FAR2: variants seen among roughly 807,000 people sequenced by gnomAD.
The protein encoded by FAR2 is fatty acyl-CoA reductase 2, also known as epididymis secretory protein Li 81.
A neutral mutation model predicts 56.0 loss-of-function variants in FAR2; 19 were observed. The observed-to-expected ratio is 0.34, with a 90% CI of 0.24 to 0.50. The LOEUF is 0.50. Ranked by LOEUF, FAR2 falls within the 20% of genes least tolerant of loss-of-function variation. The pLI is 0.98. For missense variants in FAR2, 508 were observed against 642.2 expected (o/e 0.79, Z 2.26); for synonymous variants, 219 against 218.8 (o/e 1.00, Z -0.01).
intron 2 of FAR2, chr12:29,293,020 C>T (rs1948997317): frequency 4.6e-6 from 1 of 215,970 alleles, no homozygotes; most frequent in Non-Finnish European, 9.2e-6. Context: ...CACACACCAC[C>T]ATGCCTGGCT....
intron 10 of FAR2, among the ~76,000 whole-genome samples, chr12:29,324,576 G>C (rs966316640): frequency 1.6e-4 from 24 of 152,198 alleles, no homozygotes; most frequent in Non-Finnish European, 7.3e-5. Flanking sequence ...CAAGCCAGAA[G>C]AGAGTGGGGG....
intron 5 of FAR2, 183 bp downstream of exon 5, chr12:29,308,018 G>GCTC: frequency 1.7e-6 from 1 of 572,202 alleles, no homozygotes; most frequent in Non-Finnish European, 3.0e-6. Context: ...CCAGCATGTG[G>GCTC]CTCCTCTGGC....
rs749759025 is a variant in FAR2, at chr12:29,333,725, G to A, written c.1479G>A (p.Trp493Ter). The A allele has an allele frequency of 1.2e-6, 2 of 1,613,824 alleles. No individual in the cohort carries two copies. The highest frequency in any genetic ancestry group is 1.7e-6 in the Non-Finnish European group (2 of 1,179,780). The stretch of plus-strand genomic sequence containing the variant: ...GATCTCAGATGGCTCGGAATGTCTG[G>A]TTCTTCATTGTAAGCTTCTGTTATA... ...IARSQMARNV[W>*]FFIVSFCYKF... The change falls in exon 12 of 12, where the codon TGG (tryptophan) becomes TGA (stop). Residue 493 changes from tryptophan to a stop codon, truncating the protein, a stop_gained. Transcript: ENST00000536681. LOFTEE classifies it high-confidence loss of function.
intron 1 of FAR2, among the ~76,000 whole-genome samples, chr12:29,251,439 G>A (rs190078930): frequency 2.0e-4 from 30 of 152,278 alleles, no homozygotes; most frequent in African/African-American, 6.5e-4. Context: ...GGTCTGAACT[G>A]ACACTAATTC....
chr12:29,319,028 T>C (rs907111005), intron 9 of FAR2, among the ~76,000 whole-genome samples: 1 of 151,902 alleles, frequency 6.6e-6, no homozygotes, highest in African/African-American at 2.4e-5. Context: ...TCTTGCTTTG[T>C]CACCTAGGCT....
intron 1 of FAR2, among the ~76,000 whole-genome samples, chr12:29,158,659 A>G (rs1032768385): frequency 2.0e-5 from 3 of 152,250 alleles, no homozygotes; most frequent in African/African-American, 7.2e-5. Flanking sequence ...CTTTTCCCAA[A>G]TTAGACTTCC....
chr12:29,172,952 G>C (rs908649821), intron 1 of FAR2, among the ~76,000 whole-genome samples: 1 of 152,154 alleles, frequency 6.6e-6, no homozygotes, highest in African/African-American at 2.4e-5. Context: ...TAGGGAATTT[G>C]TCCCTTTCTT....
intron 1 of FAR2, among the ~76,000 whole-genome samples, chr12:29,183,583 T>G (rs1423660755): frequency 6.6e-6 from 1 of 152,242 alleles, no homozygotes; most frequent in Non-Finnish European, 1.5e-5. Context: ...CCATCTGTTC[T>G]GTTAATTATA....
At chr12:29,159,154 C>T (rs905429761) in intron 1 of FAR2, among the ~76,000 whole-genome samples, 4 of 152,124 alleles carry the variant, frequency 2.6e-5, no homozygotes, top group African/African-American at 7.2e-5. Context: ...ATACAATGCT[C>T]ATATATCTTT....
chr12:29,295,784 C>G (rs1225033772), intron 3 of FAR2, among the ~76,000 whole-genome samples: 1 of 90,304 alleles, frequency 1.1e-5, no homozygotes, highest in Non-Finnish European at 2.0e-5. Context: ...TTTTTTGAGA[C>G]GGAGTCTCGC....
At chr12:29,170,599 CTT>C (rs751680418) in intron 1 of FAR2, among the ~76,000 whole-genome samples, 2 of 152,132 alleles carry the variant, frequency 1.3e-5, no homozygotes, top group Non-Finnish European at 2.9e-5. Context: ...CTGACTCCCT[CTT>C]TGTCTGTTTC....
In FAR2 at chr12:29,248,305, C is replaced by G. The variant is rs183929496; in HGVS notation, c.-38-22107C>G. Among the ~76,000 whole-genome samples, 8 of 152,204 alleles carry G rather than the reference C, an allele frequency of 5.3e-5. No homozygotes were observed. The East Asian group carries it at 1.5e-3, about 29-fold the overall frequency. ...GTTCTTTTCTATTTTCCTTAAGCAT[C>G]GGCCAGCTTGAGAAATAAAGGGACA... On this transcript the variant is annotated intron_variant, in intron 1 of 11. Coordinates refer to ENST00000536681, the MANE Select transcript of FAR2 (RefSeq NM_001271783.2).
intron 2 of FAR2, 26 bp downstream of exon 2, chr12:29,270,664 G>T (rs1451617245): frequency 1.9e-6 from 3 of 1,570,724 alleles, no homozygotes; most frequent in Non-Finnish European, 2.6e-6. Flanking sequence ...AAGCGTGTGT[G>T]ATGGGCAATG....
chr12:29,297,012 CT>C lies in FAR2; in HGVS notation c.366-7del, dbSNP rs763837532. On this transcript the variant is annotated splice_polypyrimidine_tract_variant and splice_region_variant and intron_variant, in intron 3 of 11. Coordinates refer to ENST00000536681, the MANE Select transcript of FAR2 (RefSeq NM_001271783.2). ...TTCATTGTATTTCCTTCTGCTTAATCTTCTCTAGACATGCTGTGCAACTTAA... is the reference window on the plus strand; with the variant it reads ...TTCATTGTATTTCCTTCTGCTTAATCTCTCTAGACATGCTGTGCAACTTAA... 8.2e-6 allele frequency: 13 copies of C among 1,582,832 alleles called. No individual in the cohort carries two copies. In the Middle Eastern group the frequency reaches 6.8e-4, roughly 83 times the overall value.
intron 9 of FAR2, among the ~76,000 whole-genome samples, chr12:29,317,463 G>A (rs1949469282): frequency 1.3e-5 from 2 of 151,972 alleles, no homozygotes; most frequent in Non-Finnish European, 2.9e-5. Flanking sequence ...AACACTTCTG[G>A]CCCAAGTATT....
At chr12:29,223,630 A>G (rs1947724393) in intron 1 of FAR2, 1 of 152,300 alleles carries the variant, frequency 6.6e-6, no homozygotes, top group African/African-American at 2.4e-5. Context: ...TTCACAATAC[A>G]AAGATGATTG....
intron 10 of FAR2, among the ~76,000 whole-genome samples, chr12:29,323,561 T>A (rs1224808980): frequency 6.6e-6 from 1 of 152,250 alleles, no homozygotes; most frequent in Admixed American, 6.5e-5. Flanking sequence ...TCCAGAGGAA[T>A]GATCAGGCAG....
intron 4 of FAR2, among the ~76,000 whole-genome samples, chr12:29,306,633 A>C (rs1461240080): frequency 6.6e-6 from 1 of 152,236 alleles, no homozygotes; most frequent in African/African-American, 2.4e-5. Context: ...AACCACATAG[A>C]TCTGTCAGCT....
chr12:29,283,691 G>C (rs1260508963), intron 2 of FAR2, among the ~76,000 whole-genome samples: 2 of 152,144 alleles, frequency 1.3e-5, no homozygotes, highest in East Asian at 3.8e-4. Context: ...CTGAGGAGCT[G>C]CTAGGTAAAT....
Sources: allele counts gnomAD v4.1 joint callset (sites outside exome capture counted in the v4.1 genomes callset), GRCh38; gene constraint gnomAD v4.1.1; transcripts MANE v1.5; gene names NCBI Gene and HGNC (gene_info 2026-07-23, HGNC 2026-07-21).